SLIT2: variants seen among roughly 807,000 people sequenced by gnomAD.
The protein encoded by SLIT2 is slit homolog 2 protein.
A neutral mutation model predicts 185.7 loss-of-function variants in SLIT2; 41 were observed. That is an observed-to-expected ratio of 0.22 (90% confidence interval 0.17 to 0.29). The LOEUF is 0.29. SLIT2 is among the 10% of genes least tolerant of loss of function. The pLI is 1.00. For missense variants in SLIT2, 1,571 were observed against 1,909.0 expected, an observed-to-expected ratio of 0.82 and a Z score of 3.30; for synonymous variants, 693 against 680.2, an observed-to-expected ratio of 1.02 and a Z score of -0.29.
At chr4:20,517,742 C>T (rs565815718) in intron 11 of SLIT2, among the ~76,000 whole-genome samples, 9 of 152,124 alleles carry the variant, frequency 5.9e-5, no homozygotes, top group African/African-American at 2.2e-4. Flanking sequence ...TTATAATATA[C>T]CTTACCTCTC....
At chr4:20,282,176 C>T (rs1714840005) in intron 4 of SLIT2, among the ~76,000 whole-genome samples, 1 of 152,114 alleles carries the variant, frequency 6.6e-6, no homozygotes, top group Non-Finnish European at 1.5e-5. Context: ...TTAATCCTTT[C>T]CCATTTAGAA....
At chr4:20,366,214 C>G (rs560564469) in intron 4 of SLIT2, among the ~76,000 whole-genome samples, 3 of 152,142 alleles carry the variant, frequency 2.0e-5, no homozygotes, top group Non-Finnish European at 4.4e-5. Flanking sequence ...TCTCTTTCTC[C>G]TACTCTTTAT....
At chr4:20,410,961 G>A (rs1289319298) in intron 4 of SLIT2, among the ~76,000 whole-genome samples, 2 of 152,240 alleles carry the variant, frequency 1.3e-5, no homozygotes, top group East Asian at 3.9e-4. Context: ...AATGTCAATG[G>A]TAGTTTAATA....
At chr4:20,438,156 A>G in intron 4 of SLIT2, among the ~76,000 whole-genome samples, 1 of 152,272 alleles carries the variant, frequency 6.6e-6, no homozygotes, top group African/African-American at 2.4e-5. Context: ...ATGATTCTCC[A>G]AACAGTATCC....
At chr4:20,326,742 A>C (rs1034687141) in intron 4 of SLIT2, among the ~76,000 whole-genome samples, 1 of 135,824 alleles carries the variant, frequency 7.4e-6, no homozygotes, top group Non-Finnish European at 1.5e-5. Context: ...AAGCATTCTG[A>C]AACCTTTTTT....
At chr4:20,473,405 G>A (rs991422852) in intron 5 of SLIT2, among the ~76,000 whole-genome samples, 2 of 151,730 alleles carry the variant, frequency 1.3e-5, no homozygotes, top group Admixed American at 1.3e-4. Flanking sequence ...TTCTCTTTAG[G>A]TAAGCAAAAA....
Position 20,284,243 on chromosome 4 carries a change from T to C in SLIT2, c.395+15362T>C, listed in dbSNP as rs563584759. On this transcript the variant is annotated intron_variant, in intron 4 of 36. Coordinates refer to ENST00000504154, the MANE Select transcript of SLIT2 (RefSeq NM_004787.4). Reference sequence around the variant, plus strand: ...CCATATGCAGATGTTTTCACTTACTTTTTAACATAATGAATCCACAAACCT... The same window carrying C: ...CCATATGCAGATGTTTTCACTTACTCTTTAACATAATGAATCCACAAACCT... 2.6e-5 allele frequency among the ~76,000 whole-genome samples: 4 copies of C among 152,338 alleles called. No homozygotes were observed. In the South Asian group the frequency reaches 8.3e-4, roughly 32 times the overall value.
At chr4:20,462,033 G>A (rs1713774623) in intron 4 of SLIT2, among the ~76,000 whole-genome samples, 1 of 152,090 alleles carries the variant, frequency 6.6e-6, no homozygotes, top group Non-Finnish European at 1.5e-5. Flanking sequence ...AGTAGAAGGG[G>A]GAGGGTCTAA....
chr4:20,338,612 G>A (rs569468193), intron 4 of SLIT2, among the ~76,000 whole-genome samples: 10 of 152,220 alleles, frequency 6.6e-5, no homozygotes, highest in African/African-American at 2.2e-4. Flanking sequence ...CTTATTTTGG[G>A]AATAATGACT....
chr4:20,432,257 A>G (rs867697936), intron 4 of SLIT2, among the ~76,000 whole-genome samples: 8 of 152,286 alleles, frequency 5.3e-5, no homozygotes, highest in Middle Eastern at 3.4e-3. Context: ...CTTTAAAAAG[A>G]CAGAAAGGAA....
intron 4 of SLIT2, among the ~76,000 whole-genome samples, chr4:20,299,312 A>G (rs1716815499): frequency 6.6e-6 from 1 of 152,218 alleles, no homozygotes; most frequent in Non-Finnish European, 1.5e-5. Flanking sequence ...ATATTTATAT[A>G]TCAACAAGGA....
chr4:20,407,525 C>G (rs1006632658), intron 4 of SLIT2, among the ~76,000 whole-genome samples: 11 of 152,294 alleles, frequency 7.2e-5, no homozygotes, highest in African/African-American at 2.6e-4. Context: ...CGACTACCCT[C>G]CTTCAGCGTT....
chr4:20,491,933 C>T (rs780920424), intron 9 of SLIT2, 34 bp downstream of exon 9: 9 of 1,599,192 alleles, frequency 5.6e-6, no homozygotes, highest in Middle Eastern at 1.7e-4. Context: ...ATCTCCCCAC[C>T]TTCCCGGTGA....
At chr4:20,557,382 G>T (rs11732980) in intron 26 of SLIT2, among the ~76,000 whole-genome samples, 4 of 151,776 alleles carry the variant, frequency 2.6e-5, no homozygotes, top group Admixed American at 1.3e-4. Flanking sequence ...TTACCATTCC[G>T]AAAATCCTAG....
intron 4 of SLIT2, among the ~76,000 whole-genome samples, chr4:20,331,649 G>A (rs1720078231): frequency 6.6e-6 from 1 of 151,920 alleles, no homozygotes. Flanking sequence ...TAATTCAAAT[G>A]CCATAAAATT....
chr4:20,262,471 A>G (rs1418496789), intron 3 of SLIT2, among the ~76,000 whole-genome samples: 1 of 151,890 alleles, frequency 6.6e-6, no homozygotes, highest in African/African-American at 2.4e-5. Flanking sequence ...GACTAATCCG[A>G]CAAGTTTATA....
At chr4:20,433,097 T>C (rs1397366460) in intron 4 of SLIT2, among the ~76,000 whole-genome samples, 2 of 152,240 alleles carry the variant, frequency 1.3e-5, no homozygotes, top group Non-Finnish European at 2.9e-5. Flanking sequence ...TCAAACTCTG[T>C]GTATGTGTAT....
intron 4 of SLIT2, among the ~76,000 whole-genome samples, chr4:20,280,288 G>C (rs1164651005): frequency 7.0e-6 from 1 of 142,438 alleles, no homozygotes; most frequent in Admixed American, 7.4e-5. Context: ...AGCCGAGACC[G>C]CATCACTGCA....
At chr4:20,583,632 C>T (rs1726788087) in intron 29 of SLIT2, among the ~76,000 whole-genome samples, 1 of 151,722 alleles carries the variant, frequency 6.6e-6, no homozygotes, top group South Asian at 2.1e-4. Context: ...AACATGGTGA[C>T]ACCTCATCTC....
Sources: gnomAD v4.1 joint callset for allele counts (sites outside exome capture counted in the v4.1 genomes callset) on GRCh38, gnomAD v4.1.1 for gene constraint, MANE v1.5 for transcripts, NCBI Gene and HGNC (gene_info 2026-07-23, HGNC 2026-07-21) for gene names.